Variants in ARNT observed in about 807,000 individuals in gnomAD.
ARNT encodes aryl hydrocarbon receptor nuclear translocator.
A neutral mutation model predicts 105.0 loss-of-function variants in ARNT; 30 were observed. The ratio of observed to expected loss-of-function variants is 0.29; its 90% CI spans 0.21 to 0.39. The LOEUF (loss-of-function observed/expected upper bound fraction) is 0.39, where lower values mean the gene tolerates loss of function less well. ARNT is among the 10% of genes least tolerant of loss of function. The probability of loss-of-function intolerance (pLI) is 1.00; values close to 1 mark genes in which losing one functional copy is unlikely to be tolerated. For synonymous variants in ARNT, 304 were observed against 344.0 expected (o/e 0.88, Z 1.29); for missense variants, 748 against 978.7 (o/e 0.76, Z 3.15).
Position 150,817,092 on chromosome 1 carries a change from GT to G in ARNT, c.1688del (p.Asn563ThrfsTer43). 1 of 1,614,162 alleles carries G rather than the reference GT, an allele frequency of 6.2e-7. No homozygotes were observed. The highest frequency in any genetic ancestry group is 8.5e-7 in the Non-Finnish European group (1 of 1,180,024). ...GAGAAAGAAACATACCCGCATTGAT[GT>G]TGTGATAGATTTCTGAAAATCTTGG... is the stretch of plus-strand genomic sequence containing the variant. Reference protein sequence around the residue: ...RDPRFSEIYHNINADQSKGIS... With the variant: ...RDPRFSEIYHXINADQSKGIS... On this transcript the variant is annotated frameshift_variant, in exon 17 of 22. Coordinates refer to ENST00000358595, the MANE Select transcript of ARNT (RefSeq NM_001668.4). LOFTEE classifies it high-confidence loss of function.
At chr1:150,865,532 CA>C (rs1331370096) in intron 1 of ARNT, among the ~76,000 whole-genome samples, 1 of 152,156 alleles carries the variant, frequency 6.6e-6, no homozygotes, top group Non-Finnish European at 1.5e-5. Context: ...AGAATTAGTT[CA>C]GCATCTGTTT....
At position 150,840,945 on chromosome 1, in the gene ARNT, C is replaced by CTTTTTTT. The variant is rs777444553; in HGVS notation, c.273-1298_273-1292dup. On this transcript the variant is annotated intron_variant, in intron 5 of 21. Transcript: ENST00000358595. ...AAATATTTGCCTTATCTCTCTTCTT[C>CTTTTTTT]TTTTTTTTTTTTTTTTTTTTTGAGA... is the stretch of plus-strand genomic sequence containing the variant. 7.6e-4 allele frequency among the ~76,000 whole-genome samples: 79 copies of CTTTTTTT among 103,722 alleles called. 1 individual carries two copies. The highest frequency in any genetic ancestry group is 6.0e-3 in the Middle Eastern group (1 of 166). 68.0% of individuals were successfully genotyped at this position (103,722 alleles called of 152,430 possible).
chr1:150,861,813 G>A (rs1665692905), intron 1 of ARNT, among the ~76,000 whole-genome samples: 1 of 152,162 alleles, frequency 6.6e-6, no homozygotes, highest in Admixed American at 6.5e-5. Context: ...CTTTATGATA[G>A]TGGGAAACCA....
At chr1:150,832,280 T>C in intron 9 of ARNT, 54 bp downstream of exon 9, 1 of 1,577,648 alleles carries the variant, frequency 6.3e-7, no homozygotes, top group Non-Finnish European at 8.7e-7. Flanking sequence ...AAAAATGTGA[T>C]GATCTCTGCA....
At chr1:150,813,707 C>T (rs1432532905) in intron 20 of ARNT, among the ~76,000 whole-genome samples, 3 of 151,674 alleles carry the variant, frequency 2.0e-5, no homozygotes, top group Admixed American at 6.6e-5. Context: ...TGCAAAGGCG[C>T]GATCTCAGCT....
intron 1 of ARNT, among the ~76,000 whole-genome samples, chr1:150,874,562 C>T (rs1421431500): frequency 6.6e-6 from 1 of 152,142 alleles, no homozygotes; most frequent in Non-Finnish European, 1.5e-5. Context: ...GGCAAGGCAC[C>T]TGTAGTCCCA....
At chr1:150,875,220 C>A (rs1436248341) in intron 1 of ARNT, among the ~76,000 whole-genome samples, 1 of 151,884 alleles carries the variant, frequency 6.6e-6, no homozygotes, top group Non-Finnish European at 1.5e-5. Flanking sequence ...GCACTTCCTG[C>A]AATGTAATTT....
chr1:150,838,978 A>G (rs1330305740), intron 6 of ARNT, among the ~76,000 whole-genome samples: 3 of 152,176 alleles, frequency 2.0e-5, no homozygotes, highest in Non-Finnish European at 4.4e-5. Flanking sequence ...TTTTTTTCAT[A>G]GTGATCACAT....
chr1:150,842,512 A>T (rs762681493), intron 4 of ARNT, 44 bp from the exon 5 acceptor site: 4 of 1,557,202 alleles, frequency 2.6e-6, no homozygotes, highest in Admixed American at 1.7e-5. Context: ...AAAATAAAAA[A>T]GAAGGAAGGA....
intron 3 of ARNT, among the ~76,000 whole-genome samples, chr1:150,852,275 G>C (rs1432329650): frequency 6.6e-6 from 1 of 152,156 alleles, no homozygotes; most frequent in Non-Finnish European, 1.5e-5. Context: ...GCAGAGGCTT[G>C]ATAAGCACTT....
intron 4 of ARNT, among the ~76,000 whole-genome samples, chr1:150,844,068 C>G (rs1047808373): frequency 5.9e-5 from 9 of 152,140 alleles, no homozygotes; most frequent in African/African-American, 2.2e-4. Flanking sequence ...GAAATTTCAT[C>G]AAGATACTGC....
rs1200104455 is a variant in ARNT at position 150,876,143 on chromosome 1, A to C, written c.25+400T>G. On this transcript the variant is annotated intron_variant, in intron 1 of 21. Coordinates refer to ENST00000358595, the MANE Select transcript of ARNT (RefSeq NM_001668.4). Reference sequence around the variant, plus strand: ...GTGTGGTCCAGGGTTTATGAATCCAAACTACTCTTAAAGTAAACCGAGACA... The same window carrying C: ...GTGTGGTCCAGGGTTTATGAATCCACACTACTCTTAAAGTAAACCGAGACA... 3.9e-5 allele frequency among the ~76,000 whole-genome samples: 6 copies of C among 152,218 alleles called. No homozygotes were observed. In the East Asian group the frequency reaches 1.2e-3, roughly 29 times the overall value.
At chr1:150,818,081 G>GGA in intron 14 of ARNT, 51 bp from the exon 15 acceptor site, 2 of 1,160,296 alleles carry the variant, frequency 1.7e-6, no homozygotes, top group Non-Finnish European at 2.5e-6. Flanking sequence ...GAGGAAGGGG[G>GGA]GAGAGAGAGA....
intron 19 of ARNT, 25 bp from the exon 20 acceptor site, chr1:150,814,264 T>G (rs1042694068): frequency 6.2e-7 from 1 of 1,610,392 alleles, no homozygotes; most frequent in South Asian, 1.1e-5. Flanking sequence ...AGAGGGGATA[T>G]AGAACAAATA....
At position 150,817,982 on chromosome 1, in the gene ARNT, C is replaced by T. The variant is rs1656273898; in HGVS notation, c.1443G>A (p.Arg481=). 3 of 1,613,208 alleles carry T rather than the reference C, an allele frequency of 1.9e-6. No individual in the cohort carries two copies. The highest frequency in any genetic ancestry group is 2.5e-6 in the Non-Finnish European group (3 of 1,179,896). ...PRPTLSNTIQ[R]PQLGPTANLP... is the part of the protein sequence containing the mutation. ...AATTAGCTGTGGGACCTAGTTGTGG[C>T]CTCTGGATTGTGTTGGAGAGTGTAG... The change falls in exon 15 of 22, where the codon AGG becomes AGA. Residue 481 remains arginine (R), a synonymous_variant. Transcript: ENST00000358595.
intron 1 of ARNT, among the ~76,000 whole-genome samples, chr1:150,871,631 G>A (rs1170332043): frequency 2.3e-4 from 34 of 147,448 alleles, no homozygotes; most frequent in African/African-American, 6.5e-4. Flanking sequence ...AGATGGCGGC[G>A]GAGCATGGCG....
chr1:150,810,822 A>T lies in ARNT; in HGVS notation c.*1199T>A. On this transcript the variant is annotated 3_prime_UTR_variant, in exon 22 of 22. Coordinates refer to ENST00000358595, the MANE Select transcript of ARNT (RefSeq NM_001668.4). ...CACTCTAAAGCAAAACCCAATCTCAAGATTGGAGGGAGCAAAGAGGAAAAA... is the reference window on the plus strand; with the variant it reads ...CACTCTAAAGCAAAACCCAATCTCATGATTGGAGGGAGCAAAGAGGAAAAA... 1 of 221,918 alleles carries T rather than the reference A, an allele frequency of 4.5e-6. No individual in the cohort carries two copies. 13.7% of individuals were successfully genotyped at this position (221,918 alleles called of 1,614,324 possible).
chr1:150,833,429 T>C (rs1427248244), intron 8 of ARNT, among the ~76,000 whole-genome samples: 1 of 151,950 alleles, frequency 6.6e-6, no homozygotes, highest in Non-Finnish European at 1.5e-5. Flanking sequence ...GAGGTAGAGG[T>C]TGTAATGACC....
At chr1:150,820,800 T>C (rs932945330) in intron 14 of ARNT, among the ~76,000 whole-genome samples, 4 of 152,240 alleles carry the variant, frequency 2.6e-5, no homozygotes, top group Non-Finnish European at 4.4e-5. Context: ...GATAGCTTGA[T>C]AAGACTAAGA....
Sources: allele counts gnomAD v4.1 joint callset (sites outside exome capture counted in the v4.1 genomes callset), GRCh38; gene constraint gnomAD v4.1.1; transcripts MANE v1.5; gene names NCBI Gene and HGNC (gene_info 2026-07-23, HGNC 2026-07-21).